UHRF1: variants seen among roughly 807,000 people sequenced by gnomAD.
UHRF1 encodes the protein ubiquitin like with PHD and ring finger domains 1.
Under a neutral mutation model 96.5 loss-of-function variants are expected in UHRF1, and 9 were observed. The ratio of observed to expected loss-of-function variants is 0.09; its 90% CI spans 0.06 to 0.16. The LOEUF (loss-of-function observed/expected upper bound fraction) is 0.16, where lower values mean the gene tolerates loss of function less well. Among genes scored for constraint, UHRF1 ranks in the 10% least tolerant of loss-of-function variants. The pLI is 1.00. For synonymous variants in UHRF1, 455 were observed against 469.9 expected (o/e 0.97, Z 0.41); for missense variants, 626 against 1,131.1 (o/e 0.55, Z 6.40).
rs1443202667 is a variant in UHRF1 at position 4,961,462 on chromosome 19, C to T, written c.*659C>T. On this transcript the variant is annotated 3_prime_UTR_variant, in exon 17 of 17. Coordinates refer to ENST00000650932, the MANE Select transcript of UHRF1 (RefSeq NM_001048201.3). Reference sequence around the variant, plus strand: ...CCACGAGAGCAGGGAGTTGGGGCCACGCAGAAATGGCCTCAAGGGGACTCT... The same window carrying T: ...CCACGAGAGCAGGGAGTTGGGGCCATGCAGAAATGGCCTCAAGGGGACTCT... 16 of 152,404 alleles carry T rather than the reference C, an allele frequency of 1.0e-4. No individual in the cohort carries two copies. The highest frequency in any genetic ancestry group is 6.2e-4 in the South Asian group (3 of 4,826). The allele number at this position is 152,404 out of a possible 1,614,324, so 9.4% of individuals were successfully genotyped here. A position where few individuals can be genotyped will look rare whatever the true frequency, so the allele number is the denominator to read the frequency against.
chr19:4,947,069 TGC>T, intron 10 of UHRF1, 34 bp from the exon 11 acceptor site: 1 of 1,514,216 alleles, frequency 6.6e-7, no homozygotes, highest in Non-Finnish European at 9.1e-7. Flanking sequence ...TTTTTGCCTC[TGC>T]AGAGGGTTCA....
rs1302383498 is a variant in UHRF1, at chr19:4,909,578, G to T, written c.-88G>T. On this transcript the variant is annotated 5_prime_UTR_variant, in exon 1 of 17. Transcript: ENST00000650932. ...GCACGCAAGTCCGCGCGGGGTCCGGGCCACGCACGCGGTTTCATCGCCATC... is the reference window on the plus strand; with the variant it reads ...GCACGCAAGTCCGCGCGGGGTCCGGTCCACGCACGCGGTTTCATCGCCATC... 1.5e-6 allele frequency: 1 copy of T among 654,908 alleles called. No individual in the cohort carries two copies. The highest frequency in any genetic ancestry group is 2.7e-6 in the Non-Finnish European group (1 of 364,568). The allele number at this position is 654,908 out of a possible 1,614,324, so 40.6% of individuals were successfully genotyped here.
upstream of UHRF1, among the ~76,000 whole-genome samples, chr19:4,905,916 G>A (rs2032056281): frequency 1.3e-5 from 2 of 152,166 alleles, no homozygotes; most frequent in South Asian, 2.1e-4. Context: ...TGACTTGTGA[G>A]CTTTTTTTCT....
upstream of UHRF1, among the ~76,000 whole-genome samples, chr19:4,905,533 T>C (rs1599227401): frequency 6.6e-6 from 1 of 151,910 alleles, no homozygotes; most frequent in East Asian, 1.9e-4. Flanking sequence ...TTATTTATTT[T>C]TGAGATGGAG....
In UHRF1 at chr19:4,954,628, C is replaced by T. The variant is rs1435259787; in HGVS notation, c.1958-22C>T. The T allele has an allele frequency of 1.9e-6, 3 of 1,609,516 alleles. No homozygotes were observed. The highest frequency in any genetic ancestry group is 2.5e-6 in the Non-Finnish European group (3 of 1,177,784). On this transcript the variant is annotated intron_variant, in intron 14 of 16. Transcript: ENST00000650932. The surrounding 1 kb of genome is among the most constrained non-coding windows in gnomAD (Gnocchi z 5.9). ...CAGCTCGGGCCACGCGCCCCTCCCT[C>T]ACGCGCCCCACCCTCTTCCAGGAGG...
At chr19:4,922,473 G>T (rs2032732656) in intron 2 of UHRF1, among the ~76,000 whole-genome samples, 1 of 151,908 alleles carries the variant, frequency 6.6e-6, no homozygotes, top group Admixed American at 6.6e-5. Flanking sequence ...TGCCATGTTG[G>T]CCAGGCTGGT....
At chr19:4,945,553 C>T (rs2033536686) in intron 9 of UHRF1, among the ~76,000 whole-genome samples, 1 of 152,118 alleles carries the variant, frequency 6.6e-6, no homozygotes, top group East Asian at 1.9e-4. Context: ...GCCACCGTGC[C>T]TGGCCGTCAC....
chr19:4,956,416 G>T (rs1045747519), intron 15 of UHRF1, among the ~76,000 whole-genome samples: 1 of 152,228 alleles, frequency 6.6e-6, no homozygotes, highest in Non-Finnish European at 1.5e-5. Flanking sequence ...GTGCTTGGTG[G>T]TGCCAGCTGG....
intron 9 of UHRF1, among the ~76,000 whole-genome samples, chr19:4,945,582 C>A (rs569339914): frequency 1.3e-5 from 2 of 151,890 alleles, no homozygotes; most frequent in South Asian, 2.1e-4. Context: ...TTCTAGAGGC[C>A]GAAGAGGAGC....
chr19:4,941,656 C>T (rs369031461), intron 6 of UHRF1, 28 bp downstream of exon 6: 9 of 1,604,076 alleles, frequency 5.6e-6, no homozygotes, highest in Non-Finnish European at 7.7e-6. Context: ...CTTTCCCCAT[C>T]TTCCGCGGTG....
At chr19:4,922,306 C>T (rs903395927) in intron 2 of UHRF1, among the ~76,000 whole-genome samples, 1 of 152,058 alleles carries the variant, frequency 6.6e-6, no homozygotes, top group African/African-American at 2.4e-5. Context: ...TGCTCTGTTG[C>T]CCGGACTGGA....
At chr19:4,957,746 G>A (rs1014832555) in intron 16 of UHRF1, among the ~76,000 whole-genome samples, 5 of 152,142 alleles carry the variant, frequency 3.3e-5, no homozygotes, top group Non-Finnish European at 7.4e-5. Flanking sequence ...AGCATCCCCG[G>A]CCCCCACCCA....
chr19:4,909,599 C>A lies in UHRF1; in HGVS notation c.-67C>A. On this transcript the variant is annotated 5_prime_UTR_variant, in exon 1 of 17. Transcript: ENST00000650932. Reference sequence around the variant, plus strand: ...CCGGGCCACGCACGCGGTTTCATCGCCATCCCCAGCCGGGCCACGCGCGCA... The same window carrying A: ...CCGGGCCACGCACGCGGTTTCATCGACATCCCCAGCCGGGCCACGCGCGCA... 1 of 642,980 alleles carries A rather than the reference C, an allele frequency of 1.6e-6. No homozygotes were observed. The highest frequency in any genetic ancestry group is 2.8e-6 in the Non-Finnish European group (1 of 359,652). 39.8% of individuals were successfully genotyped at this position (642,980 alleles called of 1,614,324 possible). A position where few individuals can be genotyped will look rare whatever the true frequency, so the allele number is the denominator to read the frequency against.
At chr19:4,907,191 C>T (rs1467212807), upstream of UHRF1, among the ~76,000 whole-genome samples, 1 of 152,200 alleles carries the variant, frequency 6.6e-6, no homozygotes, top group Non-Finnish European at 1.5e-5. Flanking sequence ...CTCACTGCAA[C>T]CTCCGTCTCC....
Position 4,941,596 on chromosome 19 carries a change from A to C in UHRF1, c.854A>C (p.Glu285Ala). ...GTCTTCAAGATTGAGCGGCCGGGTG[A>C]AGGGAGCCCCATGGTTGACAACCCC... ...DEVFKIERPG[E>A]GSPMVDNPMR... Residue 285 changes from glutamate to alanine, a missense_variant, in exon 6 of 17, where the codon GAA (glutamate) becomes GCA (alanine). This residue lies in a region of UHRF1 where 198 missense variants were observed against 235.1 expected (regional missense o/e 0.84). Transcript: ENST00000650932. 1 of 1,613,710 alleles carries C rather than the reference A, an allele frequency of 6.2e-7. No homozygotes were observed. The highest frequency in any genetic ancestry group is 8.5e-7 in the Non-Finnish European group (1 of 1,179,764).
At position 4,919,310 on chromosome 19, in the gene UHRF1, T is replaced by A. The variant is rs180842780; in HGVS notation, c.153+8272T>A. Reference sequence around the variant, plus strand: ...CTGCACACAGCCCCATTTTAACTTTTTTTTTTTTCTGAGGCAGAGTCTCGC... The same window carrying A: ...CTGCACACAGCCCCATTTTAACTTTATTTTTTTTCTGAGGCAGAGTCTCGC... On this transcript the variant is annotated intron_variant, in intron 2 of 16. Transcript: ENST00000650932. Among the ~76,000 whole-genome samples the A allele has an allele frequency of 7.2e-5, 11 of 151,826 alleles. No individual in the cohort carries two copies. The East Asian group carries it at 1.9e-3, about 27-fold the overall frequency.
At chr19:4,927,054 C>A (rs1250394799) in intron 2 of UHRF1, among the ~76,000 whole-genome samples, 1 of 151,588 alleles carries the variant, frequency 6.6e-6, no homozygotes, top group Non-Finnish European at 1.5e-5. Context: ...GAGCAAGATT[C>A]CGCCTCAAAA....
chr19:4,920,605 A>G (rs1373591604), intron 2 of UHRF1, among the ~76,000 whole-genome samples: 1 of 150,546 alleles, frequency 6.6e-6, no homozygotes, highest in Non-Finnish European at 1.5e-5. Flanking sequence ...CACAGTGGCT[A>G]TTCACAGATG....
At chr19:4,934,955 C>T (rs1476087551) in intron 5 of UHRF1, among the ~76,000 whole-genome samples, 11 of 150,166 alleles carry the variant, frequency 7.3e-5, no homozygotes, top group Admixed American at 2.1e-4. Context: ...TATATGGAAT[C>T]TGATTTTTAA....
Sources: allele counts gnomAD v4.1 joint callset (sites outside exome capture counted in the v4.1 genomes callset), GRCh38; gene constraint gnomAD v4.1.1; regional missense constraint gnomAD v4.1.1; non-coding constraint Gnocchi (gnomAD v3.1); transcripts MANE v1.5; gene names NCBI Gene and HGNC (gene_info 2026-07-23, HGNC 2026-07-21).